The following ANKRD33B variants were observed in gnomAD, a reference collection of about 807,000 sequenced individuals.
The protein encoded by ANKRD33B is ankyrin repeat domain-containing protein 33B.
Under a neutral mutation model 21.5 loss-of-function variants are expected in ANKRD33B, and 6 were observed. That is an observed-to-expected ratio of 0.28 (90% CI 0.15 to 0.55). The LOEUF (loss-of-function observed/expected upper bound fraction) is 0.55, where lower values mean the gene tolerates loss of function less well. ANKRD33B is among the 20% of genes least tolerant of loss of function. ANKRD33B has a pLI of 0.94. For synonymous variants in ANKRD33B, 347 were observed against 342.4 expected, an observed-to-expected ratio of 1.01 and a Z score of -0.15; for missense variants, 698 against 747.2, an observed-to-expected ratio of 0.93 and a Z score of 0.77.
At chr5:10,569,568 G>T (rs1230815657) in intron 1 of ANKRD33B, among the ~76,000 whole-genome samples, 3 of 148,994 alleles carry the variant, frequency 2.0e-5, no homozygotes, top group Non-Finnish European at 4.5e-5. Flanking sequence ...TGCGCCCCAG[G>T]CTGGGCGACA....
In ANKRD33B at chr5:10,651,337, G is replaced by A. The variant is rs1307564830; in HGVS notation, c.*1224G>A. The A allele has an allele frequency of 6.6e-6, 1 of 152,042 alleles. No individual in the cohort carries two copies. Among genetic ancestry groups the A allele is most frequent in the Non-Finnish European group, 1.5e-5 (1 of 67,986 alleles). The allele number at this position is 152,042 out of a possible 1,614,324, so 9.4% of individuals were successfully genotyped here. A position where few individuals can be genotyped will look rare whatever the true frequency, so the allele number is the denominator to read the frequency against. On this transcript the variant is annotated 3_prime_UTR_variant, in exon 4 of 4. Transcript: ENST00000296657. ...AGGGCCTTGGGCAGGGCAGGGCATG[G>A]GTGTGATTTGCCTTGGGCCACAAGC...
intron 2 of ANKRD33B, chr5:10,628,292 T>G (rs1196729470): frequency 1.3e-5 from 2 of 152,218 alleles, no homozygotes; most frequent in African/African-American, 4.8e-5. Flanking sequence ...GTGATTCTCC[T>G]GCCTCAGCCT....
chr5:10,598,110 T>G (rs1177525770), intron 1 of ANKRD33B, among the ~76,000 whole-genome samples: 2 of 152,174 alleles, frequency 1.3e-5, no homozygotes, highest in African/African-American at 4.8e-5. Flanking sequence ...TCTTCTAAGT[T>G]TGCCTTCTCC....
At chr5:10,607,787 G>T (rs1736081318) in intron 1 of ANKRD33B, among the ~76,000 whole-genome samples, 1 of 152,216 alleles carries the variant, frequency 6.6e-6, no homozygotes, top group Admixed American at 6.5e-5. Context: ...ACTGGACGAT[G>T]AGCTTCCAGC....
At chr5:10,629,813 C>G (rs1039423046) in intron 2 of ANKRD33B, among the ~76,000 whole-genome samples, 1 of 152,030 alleles carries the variant, frequency 6.6e-6, no homozygotes, top group African/African-American at 2.4e-5. Flanking sequence ...ATCTGCATGT[C>G]CATGGAAAGA....
At chr5:10,646,928 C>T (rs1414761240) in intron 3 of ANKRD33B, among the ~76,000 whole-genome samples, 1 of 152,216 alleles carries the variant, frequency 6.6e-6, no homozygotes, top group African/African-American at 2.4e-5. Flanking sequence ...CCCGACCTTC[C>T]TCAGTTCAGC....
intron 2 of ANKRD33B, among the ~76,000 whole-genome samples, chr5:10,632,787 TTATTTATG>T (rs1392116622): frequency 1.3e-5 from 2 of 152,212 alleles, no homozygotes; most frequent in African/African-American, 4.8e-5. Context: ...ATTTTTATTT[TTATTTATG>T]TATTTATTTT....
At chr5:10,575,352 G>C (rs1735296045) in intron 1 of ANKRD33B, among the ~76,000 whole-genome samples, 1 of 151,272 alleles carries the variant, frequency 6.6e-6, no homozygotes, top group African/African-American at 2.4e-5. Flanking sequence ...CTTGAACCAG[G>C]GAGGCGGAGG....
At chr5:10,637,968 C>A (rs184979572) in intron 2 of ANKRD33B, 60 bp from the exon 3 acceptor site, 3 of 1,512,126 alleles carry the variant, frequency 2.0e-6, no homozygotes, top group Admixed American at 2.0e-5. Context: ...GAAGGCCTGG[C>A]TGGAACCAGC....
chr5:10,612,820 C>A (rs1736200850), intron 1 of ANKRD33B, among the ~76,000 whole-genome samples: 1 of 152,330 alleles, frequency 6.6e-6, no homozygotes, highest in African/African-American at 2.4e-5. Flanking sequence ...GTTTACCCAG[C>A]AAATCACACA....
chr5:10,605,485 C>G (rs1736026455), intron 1 of ANKRD33B, among the ~76,000 whole-genome samples: 1 of 152,036 alleles, frequency 6.6e-6, no homozygotes, highest in African/African-American at 2.4e-5. Flanking sequence ...TAATTCATCC[C>G]CTGCATGACC....
intron 2 of ANKRD33B, among the ~76,000 whole-genome samples, chr5:10,624,086 A>AT (rs1192614202): frequency 7.8e-6 from 1 of 128,338 alleles, no homozygotes; most frequent in South Asian, 2.9e-4. Flanking sequence ...ATTATAATGT[A>AT]TTTTTTCTTT....
chr5:10,634,742 CA>C (rs1299036233), intron 2 of ANKRD33B, among the ~76,000 whole-genome samples: 1 of 151,454 alleles, frequency 6.6e-6, no homozygotes, highest in African/African-American at 2.4e-5. Flanking sequence ...AGGAGTGAGC[CA>C]CTGCACCTGG....
rs1270383761 is a variant in ANKRD33B, at chr5:10,650,844, A to G, written c.*731A>G. ...ATTATAAAACAATGGAGCGATAAAC[A>G]TGTATTTATTGCTAGAATTAAACTC... is the stretch of plus-strand genomic sequence containing the variant. On this transcript the variant is annotated 3_prime_UTR_variant, in exon 4 of 4. Transcript: ENST00000296657. 6.6e-6 allele frequency: 1 copy of G among 152,510 alleles called. No individual in the cohort carries two copies. Among genetic ancestry groups the G allele is most frequent in the South Asian group, 2.1e-4 (1 of 4,830 alleles). 9.4% of individuals were successfully genotyped at this position (152,510 alleles called of 1,614,324 possible).
rs750484899 is a variant in ANKRD33B, at chr5:10,649,991, A to C, written c.1363A>C (p.Ile455Leu). The change falls in exon 4 of 4, where the codon ATC becomes CTC. Residue 455 changes from isoleucine (I) to leucine (L), a missense_variant. This residue lies in a region of ANKRD33B where 543 missense variants were observed against 566.5 expected (regional missense o/e 0.96). Transcript: ENST00000296657. ...GSTKDSGHLQ[I>L]PKWRYKEAKE... ...CACCAAGGACAGCGGCCACCTGCAG[A>C]TCCCCAAGTGGCGGTACAAGGAGGC... 150 of 1,533,522 alleles carry C rather than the reference A, an allele frequency of 9.8e-5. 1 individual carries two copies. In the Middle Eastern group the frequency reaches 1.4e-3, roughly 14 times the overall value. The allele number at this position is 1,533,522 out of a possible 1,614,324, so 95.0% of individuals were successfully genotyped here. A position where few individuals can be genotyped will look rare whatever the true frequency, so the allele number is the denominator to read the frequency against.
intron 3 of ANKRD33B, among the ~76,000 whole-genome samples, chr5:10,646,777 CA>C (rs1196999785): frequency 6.6e-6 from 1 of 152,174 alleles, no homozygotes; most frequent in Non-Finnish European, 1.5e-5. Context: ...TATCCAGTTC[CA>C]AATAATTACC....
chr5:10,603,966 C>T (rs2126570599), intron 1 of ANKRD33B, among the ~76,000 whole-genome samples: 1 of 150,704 alleles, frequency 6.6e-6, no homozygotes, highest in African/African-American at 2.4e-5. Context: ...GCAATCTCGG[C>T]TCACTATAAC....
chr5:10,632,286 G>A lies in ANKRD33B; in HGVS notation c.497-5742G>A, dbSNP rs148263513. Among the ~76,000 whole-genome samples the A allele has an allele frequency of 3.2e-4, 48 of 152,264 alleles. No individual in the cohort carries two copies. In the East Asian group the frequency reaches 7.6e-3, roughly 24 times the overall value. ...TGAGTCATCCAGGAGAGGGGTTTGCGTGAGGTCGGTGACTTCCATGTGAAA... is the reference window on the plus strand; with the variant it reads ...TGAGTCATCCAGGAGAGGGGTTTGCATGAGGTCGGTGACTTCCATGTGAAA... On this transcript the variant is annotated intron_variant, in intron 2 of 3. Coordinates refer to ENST00000296657, the MANE Select transcript of ANKRD33B (RefSeq NM_001164440.2).
At chr5:10,616,685 G>A (rs1173944184) in intron 1 of ANKRD33B, among the ~76,000 whole-genome samples, 1 of 152,070 alleles carries the variant, frequency 6.6e-6, no homozygotes, top group African/African-American at 2.4e-5. Flanking sequence ...AGTGACACTT[G>A]ATTGCCTGGT....
Sources: allele counts gnomAD v4.1 joint callset (sites outside exome capture counted in the v4.1 genomes callset), GRCh38; gene constraint gnomAD v4.1.1; regional missense constraint gnomAD v4.1.1; transcripts MANE v1.5; gene names NCBI Gene and HGNC (gene_info 2026-07-23, HGNC 2026-07-21).